DENND5A: variants seen among roughly 807,000 people sequenced by gnomAD.
The protein encoded by DENND5A is DENN domain containing 5A.
A neutral mutation model predicts 140.3 loss-of-function variants in DENND5A; 64 were observed. The observed-to-expected ratio is 0.46, with a 90% confidence interval of 0.37 to 0.56. The LOEUF (loss-of-function observed/expected upper bound fraction) is 0.56, where lower values mean the gene tolerates loss of function less well. DENND5A is among the 20% of genes least tolerant of loss of function. The pLI is 0.00. For synonymous variants in DENND5A, 605 were observed against 607.7 expected, an observed-to-expected ratio of 1.00 and a Z score of 0.07; for missense variants, 1,292 against 1,593.8, an observed-to-expected ratio of 0.81 and a Z score of 3.22.
At chr11:9,146,993 C>A in intron 16 of DENND5A, 37 bp downstream of exon 16, 1 of 1,612,402 alleles carries the variant, frequency 6.2e-7, no homozygotes, top group African/African-American at 1.3e-5. Context: ...ATAAAGACTG[C>A]CTTGAGAAGG....
intron 5 of DENND5A, among the ~76,000 whole-genome samples, chr11:9,183,360 TG>T (rs1848797814): frequency 6.6e-6 from 1 of 152,202 alleles, no homozygotes; most frequent in Non-Finnish European, 1.5e-5. Context: ...ACATAATAAA[TG>T]TTAATCAACA....
At chr11:9,233,648 A>T (rs1057061299) in intron 1 of DENND5A, among the ~76,000 whole-genome samples, 7 of 152,136 alleles carry the variant, frequency 4.6e-5, no homozygotes, top group African/African-American at 1.7e-4. Flanking sequence ...AAAGATACAC[A>T]TGAAGGTGAA....
intron 12 of DENND5A, among the ~76,000 whole-genome samples, chr11:9,156,798 G>A (rs192249629): frequency 3.3e-5 from 5 of 151,032 alleles, no homozygotes; most frequent in African/African-American, 7.3e-5. Context: ...CGAGACTCTC[G>A]AAGGAAAGAG....
intron 1 of DENND5A, among the ~76,000 whole-genome samples, chr11:9,209,724 A>G (rs1849810537): frequency 6.6e-6 from 1 of 152,218 alleles, no homozygotes; most frequent in South Asian, 2.1e-4. Flanking sequence ...AGAGTGCCAG[A>G]AAAGGTAAGA....
At chr11:9,145,386 C>T in intron 17 of DENND5A, 1 of 576,790 alleles carries the variant, frequency 1.7e-6, no homozygotes, top group Non-Finnish European at 3.1e-6. Flanking sequence ...AACAGGTGGG[C>T]TGAGTAGCTG....
chr11:9,168,987 A>G (rs1489150758), intron 10 of DENND5A, among the ~76,000 whole-genome samples: 1 of 152,232 alleles, frequency 6.6e-6, no homozygotes, highest in Non-Finnish European at 1.5e-5. Context: ...CTCAGCTTAC[A>G]AGCAATGAAG....
chr11:9,188,462 T>G (rs1356697434), intron 5 of DENND5A, among the ~76,000 whole-genome samples: 1 of 152,162 alleles, frequency 6.6e-6, no homozygotes, highest in Non-Finnish European at 1.5e-5. Context: ...TGAAACTGGG[T>G]GTCAGGCAGA....
rs191615482 is a variant in DENND5A, at chr11:9,257,693, A to C, written c.109+7268T>G. ...GAGACAGGGTTTCACCGTGTTAGCC[A>C]GGATAGTCTCGATCTCCTGACCTTG... On this transcript the variant is annotated intron_variant, in intron 1 of 22. Transcript: ENST00000328194. Among the ~76,000 whole-genome samples the C allele has an allele frequency of 2.5e-3, 374 of 151,794 alleles. 2 individuals carry two copies. Among genetic ancestry groups the C allele is most frequent in the African/African-American group, 8.4e-3 (350 of 41,424 alleles).
intron 5 of DENND5A, among the ~76,000 whole-genome samples, chr11:9,181,929 T>C (rs1156772901): frequency 1.3e-5 from 2 of 152,222 alleles, no homozygotes. Flanking sequence ...TGATCTTTGT[T>C]CTTTCTGTGC....
chr11:9,150,356 G>T, intron 14 of DENND5A, 147 bp from the exon 15 acceptor site: 2 of 1,044,358 alleles, frequency 1.9e-6, no homozygotes, highest in Non-Finnish European at 2.8e-6. Flanking sequence ...CAAATACTGG[G>T]CTTCCATGTA....
chr11:9,163,747 T>C (rs1299344570), intron 11 of DENND5A, among the ~76,000 whole-genome samples: 1 of 146,822 alleles, frequency 6.8e-6, no homozygotes, highest in Non-Finnish European at 1.5e-5. Flanking sequence ...GAGGTTGCAG[T>C]GAGCCGAGAT....
At chr11:9,179,593 A>G (rs1328580387) in intron 6 of DENND5A, among the ~76,000 whole-genome samples, 1 of 147,128 alleles carries the variant, frequency 6.8e-6, no homozygotes, top group Non-Finnish European at 1.5e-5. Flanking sequence ...TCTGCCTCCC[A>G]GGTTCAAGTG....
At chr11:9,165,727 C>T in intron 11 of DENND5A, 109 bp downstream of exon 11, 1 of 1,350,104 alleles carries the variant, frequency 7.4e-7, no homozygotes, top group South Asian at 1.3e-5. Context: ...AGCCATCACG[C>T]CCAGCCAACA....
chr11:9,234,321 C>G (rs541267190), intron 1 of DENND5A, among the ~76,000 whole-genome samples: 3 of 151,890 alleles, frequency 2.0e-5, no homozygotes, highest in South Asian at 2.1e-4. Context: ...GATCCCCCCC[C>G]CAAAAAAATG....
intron 1 of DENND5A, 73 bp from the exon 2 acceptor site, chr11:9,207,705 G>A: frequency 2.8e-6 from 3 of 1,060,690 alleles, no homozygotes; most frequent in Non-Finnish European, 2.9e-6. Context: ...CATTATTCCA[G>A]TACAAATTAC....
rs867349960 is a variant in DENND5A, at chr11:9,158,103, T to C, written c.2436+2610A>G. ...TAATAATAAGAGATTGATTAAAGTA[T>C]GGCACATCTATACAACAGATGTAGT... On this transcript the variant is annotated intron_variant, in intron 12 of 22. Coordinates refer to ENST00000328194, the MANE Select transcript of DENND5A (RefSeq NM_015213.4). Among the ~76,000 whole-genome samples the C allele has an allele frequency of 1.2e-4, 19 of 152,360 alleles. 1 individual carries two copies. The highest frequency in any genetic ancestry group is 3.4e-3 in the Middle Eastern group (1 of 294).
Position 9,147,051 on chromosome 11 carries a change from T to G in DENND5A, c.2836A>C (p.Thr946Pro). Residue 946 changes from threonine (T) to proline (P), a missense_variant, in exon 16 of 23, where the codon ACC becomes CCC. Around this residue, in one of 4 missense-constraint regions of DENND5A, gnomAD observed 498 missense variants for 689.7 expected, o/e 0.72. Transcript: ENST00000328194. ...TCACGGATAGTTGTGAAGACATTGG[T>G]GAAGCAAAAGTAATCGACGGCATTG... Reference protein sequence around the residue: ...SFNAVDYFCFTNVFTTILIPY... With the variant: ...SFNAVDYFCFPNVFTTILIPY... The G allele has an allele frequency of 3.7e-6, 6 of 1,614,186 alleles. No homozygotes were observed. Among genetic ancestry groups the G allele is most frequent in the Non-Finnish European group, 5.1e-6 (6 of 1,180,010 alleles).
chr11:9,251,422 G>T (rs1590339710), intron 1 of DENND5A, among the ~76,000 whole-genome samples: 1 of 152,054 alleles, frequency 6.6e-6, no homozygotes, highest in African/African-American at 2.4e-5. Flanking sequence ...TTCCATGTAC[G>T]ACAACAAGCA....
At chr11:9,225,303 T>G (rs1850484384) in intron 1 of DENND5A, among the ~76,000 whole-genome samples, 1 of 152,232 alleles carries the variant, frequency 6.6e-6, no homozygotes, top group Non-Finnish European at 1.5e-5. Context: ...TAGCTTAAAT[T>G]TCTCTCTTAT....
Sources: gnomAD v4.1 joint callset for allele counts (sites outside exome capture counted in the v4.1 genomes callset) on GRCh38, gnomAD v4.1.1 for gene constraint, gnomAD v4.1.1 regional missense constraint, MANE v1.5 for transcripts, NCBI Gene and HGNC (gene_info 2026-07-23, HGNC 2026-07-21) for gene names.